The following ZBTB7C variants were observed in gnomAD, a reference collection of about 807,000 sequenced individuals.
ZBTB7C encodes the protein zinc finger and BTB domain-containing protein 7C.
A neutral mutation model predicts 25.7 loss-of-function variants in ZBTB7C; 8 were observed. The observed-to-expected ratio is 0.31, with a 90% CI of 0.18 to 0.56. The LOEUF (loss-of-function observed/expected upper bound fraction) is 0.56, where lower values mean the gene tolerates loss of function less well. Among genes scored for constraint, ZBTB7C ranks in the 20% least tolerant of loss-of-function variants. ZBTB7C has a pLI of 0.91. For missense variants in ZBTB7C, 824 were observed against 855.2 expected (o/e 0.96, Z 0.46); for synonymous variants, 394 against 369.0 (o/e 1.07, Z -0.78).
chr18:48,382,985 T>G (rs1007452527), intron 1 of ZBTB7C, among the ~76,000 whole-genome samples: 1 of 152,150 alleles, frequency 6.6e-6, no homozygotes, highest in African/African-American at 2.4e-5. Context: ...GAACTCAAAT[T>G]TGGCGTGATA....
In ZBTB7C at chr18:48,212,970, C is replaced by T. The variant is rs558831346; in HGVS notation, c.-78-26975G>A. On this transcript the variant is annotated intron_variant, in intron 2 of 4. Coordinates refer to ENST00000590800, the MANE Select transcript of ZBTB7C (RefSeq NM_001318841.2). ...AACTCCTCAAACCCAAGTGCAGCCA[C>T]GTACAAGGTCTGGCTTAGACCCACA... Among the ~76,000 whole-genome samples the T allele has an allele frequency of 4.6e-5, 7 of 152,324 alleles. No homozygotes were observed. In the East Asian group the frequency reaches 5.8e-4, roughly 13 times the overall value.
At position 48,390,936 on chromosome 18, in the gene ZBTB7C, G is replaced by T. The variant is rs562353656; in HGVS notation, c.-304+18290C>A. 1.2e-4 allele frequency among the ~76,000 whole-genome samples: 19 copies of T among 152,252 alleles called. No individual in the cohort carries two copies. The East Asian group carries it at 3.5e-3, about 28-fold the overall frequency. On this transcript the variant is annotated intron_variant, in intron 1 of 4. Coordinates refer to ENST00000590800, the MANE Select transcript of ZBTB7C (RefSeq NM_001318841.2). ...ATGACTCTTGCATTTACCTTCATGT[G>T]CTACAGGGCCAAAATGCATGAAGAC...
intron 1 of ZBTB7C, among the ~76,000 whole-genome samples, chr18:48,402,758 C>G (rs73437426): frequency 0.036 from 5,441 of 152,156 alleles, 323 homozygotes; most frequent in African/African-American, 0.12. Flanking sequence ...GCGCATGTTG[C>G]TGGTTCCAGA....
intron 3 of ZBTB7C, among the ~76,000 whole-genome samples, chr18:48,167,992 G>A (rs963511971): frequency 7.9e-5 from 12 of 152,250 alleles, no homozygotes; most frequent in Admixed American, 3.9e-4. Context: ...AGAAGGGAGG[G>A]GAAAGGACTA....
intron 2 of ZBTB7C, chr18:48,203,403 TC>T (rs2042503197): frequency 6.6e-6 from 1 of 152,266 alleles, no homozygotes; most frequent in Non-Finnish European, 1.5e-5. Context: ...CAGGGATCTT[TC>T]CTTAACTCAC....
intron 2 of ZBTB7C, among the ~76,000 whole-genome samples, chr18:48,317,758 TG>T: frequency 6.6e-6 from 1 of 152,296 alleles, no homozygotes; most frequent in South Asian, 2.1e-4. Context: ...GCAGAGCCAG[TG>T]GTTCTCAATC....
chr18:48,327,545 CCTCA>C (rs142724164), intron 2 of ZBTB7C, among the ~76,000 whole-genome samples: 243 of 152,344 alleles, frequency 1.6e-3, no homozygotes, highest in African/African-American at 5.1e-3. Flanking sequence ...CCAGGGCCTT[CCTCA>C]CTGTTCCCAG....
intron 2 of ZBTB7C, among the ~76,000 whole-genome samples, chr18:48,303,652 C>G (rs1395345570): frequency 1.3e-5 from 2 of 152,088 alleles, no homozygotes; most frequent in East Asian, 3.9e-4. Context: ...TGGAGGGGAG[C>G]AATAGGCTGG....
intron 2 of ZBTB7C, among the ~76,000 whole-genome samples, chr18:48,246,386 C>A (rs1043276605): frequency 6.6e-6 from 1 of 151,564 alleles, no homozygotes; most frequent in African/African-American, 2.4e-5. Context: ...GCTGAGATCA[C>A]ACCACTGCAC....
At chr18:48,213,550 C>T (rs1322546130) in intron 2 of ZBTB7C, among the ~76,000 whole-genome samples, 2 of 152,234 alleles carry the variant, frequency 1.3e-5, no homozygotes, top group Non-Finnish European at 2.9e-5. Flanking sequence ...CAGAATACCT[C>T]GCCTTTGTTG....
chr18:48,267,367 T>C (rs560010896), intron 2 of ZBTB7C, among the ~76,000 whole-genome samples: 3 of 152,280 alleles, frequency 2.0e-5, no homozygotes, highest in South Asian at 4.1e-4. Context: ...CTAAAACTAA[T>C]CGGCAGGGAT....
At chr18:48,151,542 G>A (rs1259296244) in intron 3 of ZBTB7C, among the ~76,000 whole-genome samples, 1 of 152,168 alleles carries the variant, frequency 6.6e-6, no homozygotes, top group Non-Finnish European at 1.5e-5. Flanking sequence ...ATAAGGAAAC[G>A]GAGGCTGGAT....
At chr18:48,371,332 A>G (rs2047383559) in intron 1 of ZBTB7C, among the ~76,000 whole-genome samples, 1 of 152,154 alleles carries the variant, frequency 6.6e-6, no homozygotes, top group Non-Finnish European at 1.5e-5. Flanking sequence ...TTTTGTTTCC[A>G]TCCTGTGGAA....
chr18:48,079,250 G>C (rs182382712), intron 3 of ZBTB7C, among the ~76,000 whole-genome samples: 13 of 152,208 alleles, frequency 8.5e-5, no homozygotes, highest in Non-Finnish European at 1.6e-4. Flanking sequence ...GCATTTTTCA[G>C]TTCAACCACA....
intron 2 of ZBTB7C, among the ~76,000 whole-genome samples, chr18:48,330,909 T>A (rs1442133586): frequency 2.6e-5 from 4 of 152,068 alleles, no homozygotes; most frequent in Non-Finnish European, 4.4e-5. Context: ...AATGTGGGCG[T>A]GCGGAGGCAA....
intron 2 of ZBTB7C, among the ~76,000 whole-genome samples, chr18:48,227,009 G>C (rs1415104202): frequency 1.7e-5 from 2 of 115,216 alleles, no homozygotes; most frequent in African/African-American, 6.9e-5. Flanking sequence ...AATAGAGTGA[G>C]ACTCCATCTC....
chr18:48,075,268 T>G (rs2144430339), intron 3 of ZBTB7C, among the ~76,000 whole-genome samples: 1 of 152,270 alleles, frequency 6.6e-6, no homozygotes, highest in South Asian at 2.1e-4. Flanking sequence ...ATTTCTCCCC[T>G]CCCAAATGCC....
intron 1 of ZBTB7C, among the ~76,000 whole-genome samples, chr18:48,399,931 G>A (rs2048120379): frequency 6.6e-6 from 1 of 152,042 alleles, no homozygotes; most frequent in Admixed American, 6.5e-5. Flanking sequence ...CTCTTGACAG[G>A]CCAAGTGCCC....
chr18:48,175,531 C>T (rs1403995111), intron 3 of ZBTB7C, among the ~76,000 whole-genome samples: 1 of 152,112 alleles, frequency 6.6e-6, no homozygotes, highest in African/African-American at 2.4e-5. Flanking sequence ...GTGAATAGTA[C>T]ATGGATGTAT....
Sources: allele counts gnomAD v4.1 joint callset (sites outside exome capture counted in the v4.1 genomes callset), GRCh38; gene constraint gnomAD v4.1.1; transcripts MANE v1.5; gene names NCBI Gene and HGNC (gene_info 2026-07-23, HGNC 2026-07-21).